Variants in GLI2 observed in about 807,000 individuals in gnomAD.
GLI2 encodes transcription activator GLI2.
In GLI2, 22 loss-of-function variants were observed where a neutral mutation model predicts 78.9. The observed-to-expected ratio is 0.28, with a 90% CI of 0.20 to 0.40. The LOEUF is 0.40. Among genes scored for constraint, GLI2 ranks in the 10% least tolerant of loss-of-function variants. GLI2 has a pLI of 1.00. For synonymous variants in GLI2, 974 were observed against 963.7 expected (o/e 1.01, Z -0.20); for missense variants, 2,097 against 2,213.2 (o/e 0.95, Z 1.05).
chr2:120,788,124 A>G (rs539409738), intron 1 of GLI2, among the ~76,000 whole-genome samples: 1 of 152,334 alleles, frequency 6.6e-6, no homozygotes, highest in East Asian at 1.9e-4. Context: ...AGATGAGGAA[A>G]CTGAGGCTTA....
rs80185737 is a variant in GLI2 at position 120,983,096 on chromosome 2, C to T, written c.1632+216C>T. On this transcript the variant is annotated intron_variant, in intron 11 of 13. Transcript: ENST00000361492. Reference sequence around the variant, plus strand: ...ACATCCTTTCCTCTAAAAGATGCCCCGTGAGGTCCCATGGCATACTGACCC... The same window carrying T: ...ACATCCTTTCCTCTAAAAGATGCCCTGTGAGGTCCCATGGCATACTGACCC... Among the ~76,000 whole-genome samples, 591 of 152,260 alleles carry T rather than the reference C, an allele frequency of 3.9e-3. 4 individuals are homozygous for T. The highest frequency in any genetic ancestry group is 0.013 in the African/African-American group (542 of 41,538).
At chr2:120,752,185 T>G (rs1330887331) in intron 1 of GLI2, among the ~76,000 whole-genome samples, 4 of 152,210 alleles carry the variant, frequency 2.6e-5, no homozygotes, top group Non-Finnish European at 4.4e-5. Context: ...TTTAGCAATA[T>G]GTCTTGGCAT....
At chr2:120,846,226 T>G (rs777863887) in intron 2 of GLI2, among the ~76,000 whole-genome samples, 6 of 152,220 alleles carry the variant, frequency 3.9e-5, no homozygotes, top group Non-Finnish European at 8.8e-5. Context: ...GCTTGCTGGA[T>G]GGAGCTAATT....
intron 1 of GLI2, among the ~76,000 whole-genome samples, chr2:120,782,428 T>A (rs1013613488): frequency 5.9e-5 from 9 of 152,230 alleles, no homozygotes; most frequent in Admixed American, 3.3e-4. Context: ...TGCCATGAAC[T>A]CATTCATAGT....
At position 120,988,072 on chromosome 2, in the gene GLI2, G is replaced by T. The variant is rs1291445361; in HGVS notation, c.2243-136G>T. On this transcript the variant is annotated intron_variant, in intron 13 of 13. Coordinates refer to ENST00000361492, the MANE Select transcript of GLI2 (RefSeq NM_001374353.1). ...GTCTCTAAAAAGAGAAAGAGAGAAA[G>T]AAAGCATGCATCTCCTGAGTGCGCT... is the stretch of plus-strand genomic sequence containing the variant. 3 of 705,918 alleles carry T rather than the reference G, an allele frequency of 4.2e-6. No individual in the cohort carries two copies. The African/African-American group carries it at 5.6e-5, about 13-fold the overall frequency. The allele number at this position is 705,918 out of a possible 1,614,324, so 43.7% of individuals were successfully genotyped here. A position where few individuals can be genotyped will look rare whatever the true frequency, so the allele number is the denominator to read the frequency against.
At chr2:120,836,952 T>C (rs1686639879) in intron 2 of GLI2, among the ~76,000 whole-genome samples, 1 of 152,178 alleles carries the variant, frequency 6.6e-6, no homozygotes, top group South Asian at 2.1e-4. Flanking sequence ...TAGTGAATGA[T>C]CTTAGTTTCA....
At chr2:120,978,329 G>A (rs1387260380) in intron 9 of GLI2, 105 bp from the exon 10 acceptor site, 8 of 1,235,510 alleles carry the variant, frequency 6.5e-6, no homozygotes, top group African/African-American at 1.5e-5. Context: ...CACACAGGTC[G>A]GGGAGGGCTG....
chr2:120,787,508 G>T (rs1404124116), intron 1 of GLI2, among the ~76,000 whole-genome samples: 1 of 152,164 alleles, frequency 6.6e-6, no homozygotes, highest in African/African-American at 2.4e-5. Flanking sequence ...ACTGGGGTCT[G>T]TTTCTGATGT....
At chr2:120,913,477 G>A (rs926922837) in intron 2 of GLI2, among the ~76,000 whole-genome samples, 1 of 151,764 alleles carries the variant, frequency 6.6e-6, no homozygotes, top group Non-Finnish European at 1.5e-5. Context: ...TTTAAATGTG[G>A]CTCCTAGAAA....
chr2:120,840,230 C>G (rs1029390058), intron 2 of GLI2, among the ~76,000 whole-genome samples: 6 of 152,196 alleles, frequency 3.9e-5, no homozygotes, highest in African/African-American at 1.4e-4. Flanking sequence ...ATGCCTTTCC[C>G]CGCTTCTGTC....
At chr2:120,866,340 C>T (rs1293669330) in intron 2 of GLI2, 1 of 152,358 alleles carries the variant, frequency 6.6e-6, no homozygotes, top group African/African-American at 2.4e-5. Context: ...CTGGTCAGGG[C>T]CCTTCCTCCC....
chr2:120,988,841 C>T lies in GLI2; in HGVS notation c.2876C>T (p.Pro959Leu). The part of the protein sequence containing the change: ...ARRASDPVRR[P>L]DALSLPRVQR... Reference sequence around the variant, plus strand: ...CGGGCCAGCGACCCTGTGCGGCGGCCCGATGCCCTGTCCCTGCCGCGGGTG... The same window carrying T: ...CGGGCCAGCGACCCTGTGCGGCGGCTCGATGCCCTGTCCCTGCCGCGGGTG... The change falls in exon 14 of 14, where the codon CCC (proline) becomes CTC (leucine). Residue 959 changes from proline to leucine, a missense_variant. By Grantham distance (98) the Pro-to-Leu change is moderately conservative. Around this residue, in one of 5 missense-constraint regions of GLI2, gnomAD observed 1,290 missense variants for 1,261.7 expected, o/e 1.02. Transcript: ENST00000361492. 6.8e-7 allele frequency: 1 copy of T among 1,480,964 alleles called. No homozygotes were observed. Among genetic ancestry groups the T allele is most frequent in the Admixed American group, 2.1e-5 (1 of 47,434 alleles). 91.7% of individuals were successfully genotyped at this position (1,480,964 alleles called of 1,614,324 possible). A position where few individuals can be genotyped will look rare whatever the true frequency, so the allele number is the denominator to read the frequency against.
chr2:120,960,405 C>T (rs1329259361), intron 5 of GLI2, among the ~76,000 whole-genome samples: 1 of 152,210 alleles, frequency 6.6e-6, no homozygotes, highest in Non-Finnish European at 1.5e-5. Context: ...TGGGTGGGAA[C>T]TCCATGTGGG....
chr2:120,898,187 C>CACACACAT (rs1265149768), intron 2 of GLI2, among the ~76,000 whole-genome samples: 1 of 140,096 alleles, frequency 7.1e-6, no homozygotes, highest in Non-Finnish European at 1.7e-5. Context: ...AACACACACA[C>CACACACAT]ACACACACAC....
intron 2 of GLI2, among the ~76,000 whole-genome samples, chr2:120,808,404 G>A (rs1180591459): frequency 6.6e-6 from 1 of 152,162 alleles, no homozygotes; most frequent in African/African-American, 2.4e-5. Context: ...ATCCTCCTGT[G>A]ACCTCTCCCC....
At chr2:120,881,673 C>T (rs183743291) in intron 2 of GLI2, among the ~76,000 whole-genome samples, 8 of 37,946 alleles carry the variant, frequency 2.1e-4, no homozygotes, top group Middle Eastern at 0.026. Flanking sequence ...AGTGTGGGGA[C>T]GGCAGGTGGG....
chr2:120,908,594 C>T (rs182727753), intron 2 of GLI2, among the ~76,000 whole-genome samples: 213 of 152,238 alleles, frequency 1.4e-3, no homozygotes, highest in African/African-American at 5.0e-3. Context: ...GGCAGTTTCC[C>T]CTTCCTAGGA....
chr2:120,745,169 G>C (rs980411784), intron 1 of GLI2, among the ~76,000 whole-genome samples: 2 of 152,200 alleles, frequency 1.3e-5, no homozygotes, highest in Non-Finnish European at 2.9e-5. Flanking sequence ...TGGCCCCCAA[G>C]AGAAACAAGA....
chr2:120,839,978 C>T lies in GLI2; in HGVS notation c.148+42510C>T, dbSNP rs77950613. Among the ~76,000 whole-genome samples, 850 of 152,254 alleles carry T rather than the reference C, an allele frequency of 5.6e-3. 5 individuals are homozygous for T. The highest frequency in any genetic ancestry group is 0.02 in the African/African-American group (810 of 41,528). On this transcript the variant is annotated intron_variant, in intron 2 of 13. Coordinates refer to ENST00000361492, the MANE Select transcript of GLI2 (RefSeq NM_001374353.1). ...TTCTTTTATAATGATGTCATTATAT[C>T]GTTTCCTTTCTTTCTTAGGTGTGCT...
Sources: allele counts gnomAD v4.1 joint callset (sites outside exome capture counted in the v4.1 genomes callset), GRCh38; gene constraint gnomAD v4.1.1; regional missense constraint gnomAD v4.1.1; transcripts MANE v1.5; gene names NCBI Gene and HGNC (gene_info 2026-07-23, HGNC 2026-07-21).